SDC3: variants seen among roughly 807,000 people sequenced by gnomAD.
SDC3 encodes the protein syndecan-3.
In SDC3, 13 loss-of-function variants were observed where a neutral mutation model predicts 24.4. The observed-to-expected ratio is 0.53, with a 90% CI of 0.35 to 0.85. The LOEUF (loss-of-function observed/expected upper bound fraction) is 0.85. SDC3 is among the 40% of genes least tolerant of loss of function. SDC3 has a pLI of 0.01. For missense variants in SDC3, 571 were observed against 584.5 expected, an observed-to-expected ratio of 0.98 and a Z score of 0.24; for synonymous variants, 295 against 260.9, an observed-to-expected ratio of 1.13 and a Z score of -1.26.
chr1:30,892,507 A>T (rs1351739064), intron 1 of SDC3, among the ~76,000 whole-genome samples: 1 of 152,230 alleles, frequency 6.6e-6, no homozygotes, highest in Middle Eastern at 3.2e-3. Flanking sequence ...AAAGCTCTGC[A>T]GTAGACAGTG....
intron 1 of SDC3, among the ~76,000 whole-genome samples, chr1:30,891,893 T>C (rs1386674158): frequency 4.0e-5 from 6 of 148,894 alleles, no homozygotes; most frequent in African/African-American, 9.9e-5. Flanking sequence ...GGAGGAGGCC[T>C]CACAGTGCCT....
In SDC3 at chr1:30,876,447, C is replaced by G. The variant is rs1395531776; in HGVS notation, c.870+105G>C. 5 of 1,003,720 alleles carry G rather than the reference C, an allele frequency of 5.0e-6. No individual in the cohort carries two copies. The African/African-American group carries it at 6.4e-5, about 13-fold the overall frequency. 62.2% of individuals were successfully genotyped at this position (1,003,720 alleles called of 1,614,324 possible). On this transcript the variant is annotated intron_variant, in intron 3 of 4. Transcript: ENST00000339394. Reference sequence around the variant, plus strand: ...CTCGCCCCCACTTTGTCTGGCTCATCTCTATAGCCTCCTGGTCCTCAGTCC... The same window carrying G: ...CTCGCCCCCACTTTGTCTGGCTCATGTCTATAGCCTCCTGGTCCTCAGTCC...
chr1:30,887,003 C>T (rs1387691899), intron 1 of SDC3, among the ~76,000 whole-genome samples: 1 of 152,180 alleles, frequency 6.6e-6, no homozygotes, highest in Admixed American at 6.5e-5. Flanking sequence ...AGCACACCTG[C>T]TCCTAGCCCT....
At chr1:30,900,521 G>A (rs1557526187) in intron 1 of SDC3, among the ~76,000 whole-genome samples, 1 of 152,056 alleles carries the variant, frequency 6.6e-6, no homozygotes, top group Non-Finnish European at 1.5e-5. Context: ...GGCCTGGACA[G>A]GGAATAGTGT....
In SDC3 at chr1:30,870,698, G is replaced by A. The variant is rs1050165302; in HGVS notation, c.*2513C>T. 1.3e-5 allele frequency: 2 copies of A among 152,432 alleles called. No homozygotes were observed. 9.4% of individuals were successfully genotyped at this position (152,432 alleles called of 1,614,324 possible). A position where few individuals can be genotyped will look rare whatever the true frequency, so the allele number is the denominator to read the frequency against. On this transcript the variant is annotated 3_prime_UTR_variant, in exon 5 of 5. Coordinates refer to ENST00000339394, the MANE Select transcript of SDC3 (RefSeq NM_014654.4). ...CACAGAGAAGAGAAGCCAGTGCCTGGAGCCCAAGCCCCAAATCAGAAGCCA... is the reference window on the plus strand; with the variant it reads ...CACAGAGAAGAGAAGCCAGTGCCTGAAGCCCAAGCCCCAAATCAGAAGCCA...
intron 1 of SDC3, chr1:30,880,641 G>A (rs966117421): frequency 6.6e-6 from 1 of 152,126 alleles, no homozygotes; most frequent in Non-Finnish European, 1.5e-5. Flanking sequence ...GGACACCTGG[G>A]ACCTGCAGGC....
chr1:30,880,114 A>T (rs1639717858), intron 1 of SDC3: 1 of 152,282 alleles, frequency 6.6e-6, no homozygotes, highest in African/African-American at 2.4e-5. Flanking sequence ...GAAACCCATC[A>T]GCCTCCACTC....
intron 1 of SDC3, among the ~76,000 whole-genome samples, chr1:30,891,955 T>A (rs1345103216): frequency 6.6e-6 from 1 of 151,254 alleles, no homozygotes; most frequent in South Asian, 2.1e-4. Flanking sequence ...GGCCAAGAAC[T>A]CTACAAGGAC....
chr1:30,908,373 G>A, intron 1 of SDC3, 76 bp downstream of exon 1: 1 of 893,240 alleles, frequency 1.1e-6, no homozygotes, highest in Non-Finnish European at 1.3e-6. Flanking sequence ...AGGGGGGGTC[G>A]CGGGCGGGGA....
intron 1 of SDC3, among the ~76,000 whole-genome samples, chr1:30,907,407 A>G (rs1218424822): frequency 6.6e-6 from 1 of 151,830 alleles, no homozygotes; most frequent in African/African-American, 2.4e-5. Context: ...ACATACCATC[A>G]CCTCCACCTG....
chr1:30,906,701 C>G (rs1036836797), intron 1 of SDC3, among the ~76,000 whole-genome samples: 1 of 152,178 alleles, frequency 6.6e-6, no homozygotes, highest in African/African-American at 2.4e-5. Flanking sequence ...CACAGAGGGA[C>G]AACCAAGGGT....
chr1:30,885,255 A>G (rs950158951), intron 1 of SDC3, among the ~76,000 whole-genome samples: 4 of 152,220 alleles, frequency 2.6e-5, no homozygotes, highest in Non-Finnish European at 5.9e-5. Flanking sequence ...TATTAATATG[A>G]GTATCATCAT....
Position 30,873,121 on chromosome 1 carries a change from A to T in SDC3, c.*90T>A. On this transcript the variant is annotated 3_prime_UTR_variant, in exon 5 of 5. Coordinates refer to ENST00000339394, the MANE Select transcript of SDC3 (RefSeq NM_014654.4). ...CAGAGAAGAACTGGGGCCAGGTTCC[A>T]GGCCCAGTCCCAGGCTTGGGCTGGT... The T allele has an allele frequency of 1.1e-6, 1 of 936,756 alleles. No homozygotes were observed. The highest frequency in any genetic ancestry group is 1.7e-6 in the Non-Finnish European group (1 of 585,730). 58.0% of individuals were successfully genotyped at this position (936,756 alleles called of 1,614,324 possible).
At chr1:30,894,148 A>T (rs1639949453) in intron 1 of SDC3, among the ~76,000 whole-genome samples, 1 of 150,412 alleles carries the variant, frequency 6.6e-6, no homozygotes, top group South Asian at 2.1e-4. Context: ...AGAGTGTGTG[A>T]TTGTGAGTGT....
rs866951785 is a variant in SDC3, at chr1:30,869,553, A to C, written c.*3658T>G. 6.0e-5 allele frequency: 24 copies of C among 397,532 alleles called. No individual in the cohort carries two copies. Among genetic ancestry groups the C allele is most frequent in the Middle Eastern group, 6.2e-4 (1 of 1,608 alleles). 24.6% of individuals were successfully genotyped at this position (397,532 alleles called of 1,614,324 possible). On this transcript the variant is annotated 3_prime_UTR_variant, in exon 5 of 5. Transcript: ENST00000339394. The stretch of plus-strand genomic sequence containing the variant: ...CAAACAAACAAAAAAAAAAAAAAAA[A>C]AAAAAAAACAAAAACAAAACCAGTT...
intron 3 of SDC3, among the ~76,000 whole-genome samples, chr1:30,874,810 G>A (rs1639611423): frequency 1.3e-5 from 2 of 152,338 alleles, no homozygotes; most frequent in Admixed American, 6.5e-5. Flanking sequence ...GCTAGTAAGT[G>A]GGGGACAGAA....
chr1:30,876,751 GC>G lies in SDC3; in HGVS notation c.670del (p.Ala224ProfsTer75), dbSNP rs1226060248. On this transcript the variant is annotated frameshift_variant, in exon 3 of 5. Coordinates refer to ENST00000339394, the MANE Select transcript of SDC3 (RefSeq NM_014654.4). LOFTEE classifies it high-confidence loss of function. ...LPLTTVATAR[A>X]TTPEAPSPPT... is the part of the protein sequence containing the mutation. The stretch of plus-strand genomic sequence containing the variant: ...CGGGGAGGGCGCCTCGGGGGTAGTG[GC>G]CCGTGCCGTAGCCACTGTGGTCAGT... The G allele has an allele frequency of 6.3e-7, 1 of 1,589,110 alleles. No homozygotes were observed. The highest frequency in any genetic ancestry group is 1.3e-5 in the African/African-American group (1 of 74,260).
At position 30,869,536 on chromosome 1, in the gene SDC3, C is replaced by CAAAAAAAAAAA. The variant is rs11338317; in HGVS notation, c.*3664_*3674dup. On this transcript the variant is annotated 3_prime_UTR_variant, in exon 5 of 5. Transcript: ENST00000339394. ...AGGAAGTGTTAAAAAAACAAACAAA[C>CAAAAAAAAAAA]AAAAAAAAAAAAAAAAAAAAAAAAA... is the stretch of plus-strand genomic sequence containing the variant. The CAAAAAAAAAAA allele has an allele frequency of 5.1e-4, 179 of 347,850 alleles. 1 individual carries two copies. Among genetic ancestry groups the CAAAAAAAAAAA allele is most frequent in the African/African-American group, 1.3e-3 (50 of 38,404 alleles). 21.5% of individuals were successfully genotyped at this position (347,850 alleles called of 1,614,324 possible). A position where few individuals can be genotyped will look rare whatever the true frequency, so the allele number is the denominator to read the frequency against.
At chr1:30,894,610 TGA>T (rs1476341370) in intron 1 of SDC3, among the ~76,000 whole-genome samples, 3 of 126,232 alleles carry the variant, frequency 2.4e-5, no homozygotes, top group Non-Finnish European at 3.3e-5. Flanking sequence ...TGTGTGTGGA[TGA>T]GTGTGAGTGT....
Sources: allele counts gnomAD v4.1 joint callset (sites outside exome capture counted in the v4.1 genomes callset), GRCh38; gene constraint gnomAD v4.1.1; transcripts MANE v1.5; gene names NCBI Gene and HGNC (gene_info 2026-07-23, HGNC 2026-07-21).